Variants in MAF observed in about 807,000 individuals in gnomAD.
MAF encodes the protein MAF bZIP transcription factor.
In MAF, 10 loss-of-function variants were observed where a neutral mutation model predicts 22.0. That is an observed-to-expected ratio of 0.45 (90% confidence interval 0.28 to 0.77). MAF has a LOEUF of 0.77. Among genes scored for constraint, MAF ranks in the 30% least tolerant of loss-of-function variants. The probability of loss-of-function intolerance (pLI) is 0.12; values close to 1 mark genes in which losing one functional copy is unlikely to be tolerated. For missense variants in MAF, 544 were observed against 548.4 expected (o/e 0.99, Z 0.08); for synonymous variants, 337 against 255.8 (o/e 1.32, Z -3.03).
the MAF span, among the ~76,000 whole-genome samples, chr16:79,496,211 A>C: frequency 6.6e-6 from 1 of 152,360 alleles, no homozygotes; most frequent in East Asian, 1.9e-4. Flanking sequence ...GATGGAAATA[A>C]GTCTTAACTT....
At chr16:79,211,511 G>C in the MAF span, 1 of 1,509,946 alleles carries the variant, frequency 6.6e-7, no homozygotes, top group Non-Finnish European at 9.1e-7. Flanking sequence ...ACTGAACCAG[G>C]TGGGGGAGGC....
At chr16:79,553,512 G>A in the MAF span, among the ~76,000 whole-genome samples, 3 of 152,242 alleles carry the variant, frequency 2.0e-5, no homozygotes, top group African/African-American at 7.2e-5. Context: ...CTTTGTCAAA[G>A]AGATGCCTCA....
the MAF span, among the ~76,000 whole-genome samples, chr16:79,562,378 G>A: frequency 2.6e-5 from 4 of 152,280 alleles, no homozygotes; most frequent in South Asian, 2.1e-4. Flanking sequence ...GATGTGACCC[G>A]TGAATGAATA....
At chr16:79,592,629 A>G (rs1913253584), downstream of MAF, among the ~76,000 whole-genome samples, 1 of 152,186 alleles carries the variant, frequency 6.6e-6, no homozygotes, top group African/African-American at 2.4e-5. Flanking sequence ...TAGATTTAGG[A>G]TGGGCTAAGA....
the MAF span, among the ~76,000 whole-genome samples, chr16:79,270,914 T>A: frequency 6.6e-6 from 1 of 151,188 alleles, no homozygotes; most frequent in African/African-American, 2.4e-5. Context: ...TTTTTTTTTT[T>A]AATGAGACAG....
At chr16:79,528,037 G>A in the MAF span, among the ~76,000 whole-genome samples, 1 of 152,156 alleles carries the variant, frequency 6.6e-6, no homozygotes, top group East Asian at 1.9e-4. Flanking sequence ...CAGCTACTCA[G>A]GAGGCTGAGC....
At chr16:79,578,738 C>T in the MAF span, among the ~76,000 whole-genome samples, 3 of 152,122 alleles carry the variant, frequency 2.0e-5, no homozygotes, top group Admixed American at 6.5e-5. Flanking sequence ...TGCTATTAAT[C>T]GCAAATTACT....
chr16:79,425,780 T>C, the MAF span, among the ~76,000 whole-genome samples: 2 of 152,074 alleles, frequency 1.3e-5, no homozygotes, highest in Non-Finnish European at 2.9e-5. Flanking sequence ...GGGCTGCAGG[T>C]ATTACTTTTC....
At chr16:79,446,946 A>G in the MAF span, among the ~76,000 whole-genome samples, 1 of 152,166 alleles carries the variant, frequency 6.6e-6, no homozygotes. Context: ...GAGAGAAAAA[A>G]ACAGAAGAAA....
At chr16:79,212,708 G>GTT in the MAF span, 5 of 148,560 alleles carry the variant, frequency 3.4e-5, no homozygotes, top group South Asian at 2.1e-4. Context: ...GTTTGTTTCA[G>GTT]TTTGTTTTTG....
chr16:79,264,047 C>G, the MAF span, among the ~76,000 whole-genome samples: 1 of 152,168 alleles, frequency 6.6e-6, no homozygotes, highest in South Asian at 2.1e-4. Flanking sequence ...TCCGCTGTGT[C>G]TGTAAATGGA....
At chr16:79,352,306 C>T in the MAF span, among the ~76,000 whole-genome samples, 1 of 152,110 alleles carries the variant, frequency 6.6e-6, no homozygotes, top group African/African-American at 2.4e-5. Context: ...ATCACGTATT[C>T]CACGTCTTCT....
intron 1 of MAF, chr16:79,596,277 A>G (rs1913519516): frequency 3.8e-6 from 4 of 1,060,046 alleles, no homozygotes; most frequent in African/African-American, 1.6e-5. Context: ...AAATGAGGTC[A>G]TAATTTACAT....
the MAF span, among the ~76,000 whole-genome samples, chr16:79,357,481 G>A: frequency 1.3e-5 from 2 of 152,116 alleles, no homozygotes; most frequent in Non-Finnish European, 1.5e-5. Context: ...TACTTTTTGG[G>A]TCCCTGAAAG....
the MAF span, among the ~76,000 whole-genome samples, chr16:79,570,870 C>A: frequency 6.6e-6 from 1 of 152,144 alleles, no homozygotes; most frequent in Non-Finnish European, 1.5e-5. Flanking sequence ...GTGCTAAATG[C>A]TGAGCGTAAG....
At chr16:79,570,884 G>A in the MAF span, among the ~76,000 whole-genome samples, 1 of 152,200 alleles carries the variant, frequency 6.6e-6, no homozygotes, top group Non-Finnish European at 1.5e-5. Context: ...GCGTAAGGAG[G>A]AAAAGAGCAG....
chr16:79,584,317 C>T (rs754724903), downstream of MAF, among the ~76,000 whole-genome samples: 10 of 152,116 alleles, frequency 6.6e-5, no homozygotes, highest in African/African-American at 1.2e-4. Context: ...TAAGTAACTC[C>T]CCCAAGAGTA....
At chr16:79,306,671 C>T in the MAF span, among the ~76,000 whole-genome samples, 1 of 152,214 alleles carries the variant, frequency 6.6e-6, no homozygotes. Context: ...TAGATGTTAA[C>T]TGCTCACATG....
At chr16:79,481,795 C>G in the MAF span, among the ~76,000 whole-genome samples, 1 of 152,362 alleles carries the variant, frequency 6.6e-6, no homozygotes, top group African/African-American at 2.4e-5. Context: ...AGACCCAGTA[C>G]TAGCCCTGGC....
Sources: gnomAD v4.1 joint callset for allele counts (sites outside exome capture counted in the v4.1 genomes callset) on GRCh38, gnomAD v4.1.1 for gene constraint, MANE v1.5 for transcripts, NCBI Gene and HGNC (gene_info 2026-07-23, HGNC 2026-07-21) for gene names.